The following STPG2 variants were observed in gnomAD, a reference collection of about 807,000 sequenced individuals.
STPG2 encodes the protein sperm-tail PG-rich repeat-containing protein 2.
STPG2 carries 56 observed loss-of-function variants against 54.2 expected under a neutral mutation model. The ratio of observed to expected loss-of-function variants is 1.03; its 90% confidence interval spans 0.83 to 1.29. The LOEUF (loss-of-function observed/expected upper bound fraction) is 1.29. STPG2 is among the 50% of genes most tolerant of loss of function. The pLI is 0.00. For missense variants in STPG2, 596 were observed against 544.9 expected, an observed-to-expected ratio of 1.09 and a Z score of -0.93; for synonymous variants, 200 against 181.8, an observed-to-expected ratio of 1.10 and a Z score of -0.81.
chr4:97,920,033 G>C (rs1480262021), intron 8 of STPG2, among the ~76,000 whole-genome samples: 1 of 152,140 alleles, frequency 6.6e-6, no homozygotes, highest in Non-Finnish European at 1.5e-5. Flanking sequence ...GAATTTACTA[G>C]GTCTAACACA....
intron 8 of STPG2, among the ~76,000 whole-genome samples, chr4:97,861,345 A>T (rs1729529502): frequency 6.6e-6 from 1 of 152,166 alleles, no homozygotes; most frequent in Non-Finnish European, 1.5e-5. Context: ...GCCAATAACG[A>T]ATGCTGGCAA....
intron 10 of STPG2, among the ~76,000 whole-genome samples, chr4:97,692,318 C>T (rs781144390): frequency 6.2e-5 from 8 of 129,324 alleles, no homozygotes; most frequent in Non-Finnish European, 1.4e-4. Context: ...AAAAAAAAAC[C>T]TCAAGTGAAA....
intron 5 of STPG2, among the ~76,000 whole-genome samples, chr4:97,986,502 G>A (rs1457146439): frequency 6.6e-6 from 1 of 152,166 alleles, no homozygotes; most frequent in Non-Finnish European, 1.5e-5. Flanking sequence ...TCCACAGAAT[G>A]CCTTCAGAAC....
chr4:97,908,992 G>A (rs1284387909), intron 8 of STPG2, among the ~76,000 whole-genome samples: 2 of 147,402 alleles, frequency 1.4e-5, no homozygotes, highest in Non-Finnish European at 3.0e-5. Context: ...TTGTGCACAT[G>A]TACCCTAAAA....
chr4:97,525,770 A>G (rs1386921070), intron 4 of STPG2, among the ~76,000 whole-genome samples: 2 of 152,030 alleles, frequency 1.3e-5, no homozygotes, highest in Non-Finnish European at 2.9e-5. Flanking sequence ...ATATTCAAAA[A>G]AAGAAAGAAA....
At chr4:97,661,772 T>C (rs1722382803) in intron 10 of STPG2, among the ~76,000 whole-genome samples, 8 of 152,130 alleles carry the variant, frequency 5.3e-5, no homozygotes, top group Admixed American at 4.6e-4. Flanking sequence ...TCTAGACTTA[T>C]GTTCCACACT....
rs1726258674 is a variant in STPG2 at position 97,772,830 on chromosome 4, G to T, written c.1205-60016C>A. Among the ~76,000 whole-genome samples the T allele has an allele frequency of 2.6e-5, 4 of 151,982 alleles. No individual in the cohort carries two copies. The South Asian group carries it at 8.3e-4, about 32-fold the overall frequency. On this transcript the variant is annotated intron_variant, in intron 9 of 10. Transcript: ENST00000295268. ...TTGTCTTCTACTAAACATAACACAG[G>T]ATATAAACATAAATAAAATGTTAGA...
chr4:97,692,939 G>A (rs1226424857), intron 10 of STPG2, among the ~76,000 whole-genome samples: 1 of 152,132 alleles, frequency 6.6e-6, no homozygotes, highest in Non-Finnish European at 1.5e-5. Context: ...TTTGTATCCA[G>A]TGAAACTAAG....
intron 10 of STPG2, among the ~76,000 whole-genome samples, chr4:97,698,296 C>T (rs750327066): frequency 1.1e-4 from 17 of 152,102 alleles, no homozygotes; most frequent in South Asian, 2.1e-4. Flanking sequence ...TACTAAGAGA[C>T]GCCCTAATGG....
chr4:97,468,563 G>A (rs1045700091), intron 4 of STPG2, among the ~76,000 whole-genome samples: 1 of 151,668 alleles, frequency 6.6e-6, no homozygotes, highest in Admixed American at 6.6e-5. Flanking sequence ...ACTTTATAAC[G>A]CTCTGTATCT....
At chr4:98,116,903 T>G (rs1359598531) in intron 3 of STPG2, among the ~76,000 whole-genome samples, 1 of 152,048 alleles carries the variant, frequency 6.6e-6, no homozygotes, top group Admixed American at 6.6e-5. Flanking sequence ...AGTCTTAAAA[T>G]ATCTGCCTAC....
chr4:97,497,612 CAATATCAGAT>C (rs1730638656), intron 4 of STPG2, among the ~76,000 whole-genome samples: 1 of 151,794 alleles, frequency 6.6e-6, no homozygotes, highest in Non-Finnish European at 1.5e-5. Flanking sequence ...ATCCTACACT[CAATATCAGAT>C]AATTACTTGG....
chr4:97,753,782 T>C (rs1725652552), intron 9 of STPG2, among the ~76,000 whole-genome samples: 1 of 152,088 alleles, frequency 6.6e-6, no homozygotes. Flanking sequence ...TCTTTTCATG[T>C]GTTTGTTAAC....
chr4:97,445,164 C>A (rs976994573), intron 4 of STPG2, among the ~76,000 whole-genome samples: 3 of 152,042 alleles, frequency 2.0e-5, no homozygotes, highest in African/African-American at 7.2e-5. Context: ...ATTTAAAAAT[C>A]TTTGCCTTGT....
chr4:97,709,121 T>C (rs1724036647), intron 10 of STPG2, among the ~76,000 whole-genome samples: 1 of 151,762 alleles, frequency 6.6e-6, no homozygotes, highest in Non-Finnish European at 1.5e-5. Context: ...ATCAAAAGAA[T>C]TTCAAAGTAA....
At chr4:97,676,904 C>T (rs1229923561) in intron 10 of STPG2, among the ~76,000 whole-genome samples, 1 of 152,148 alleles carries the variant, frequency 6.6e-6, no homozygotes, top group Non-Finnish European at 1.5e-5. Context: ...CATTTTTAAA[C>T]TCTCTGATGG....
chr4:97,972,571 A>G (rs1380128663), intron 6 of STPG2, 131 bp from the exon 7 acceptor site: 4 of 506,064 alleles, frequency 7.9e-6, no homozygotes, highest in Admixed American at 8.6e-5. Context: ...TAAATGTAAA[A>G]TGGCATAGTC....
intron 3 of STPG2, among the ~76,000 whole-genome samples, chr4:98,119,107 G>T (rs1292146036): frequency 2.0e-5 from 3 of 152,042 alleles, no homozygotes; most frequent in Non-Finnish European, 4.4e-5. Context: ...TGAGAAATAG[G>T]TAAGAGTTTG....
intron 5 of STPG2, among the ~76,000 whole-genome samples, chr4:98,003,619 C>G (rs758950918): frequency 3.2e-4 from 48 of 152,146 alleles, no homozygotes; most frequent in Middle Eastern, 3.4e-3. Flanking sequence ...AATCTTCTTA[C>G]TGGCATTAGA....
Sources: allele counts gnomAD v4.1 joint callset (sites outside exome capture counted in the v4.1 genomes callset), GRCh38; gene constraint gnomAD v4.1.1; transcripts MANE v1.5; gene names NCBI Gene and HGNC (gene_info 2026-07-23, HGNC 2026-07-21).